Variants in EPHA6 observed in about 807,000 individuals in gnomAD.
EPHA6 encodes EPH receptor A6, also known as ephrin type-A receptor 6.
A neutral mutation model predicts 112.0 loss-of-function variants in EPHA6; 50 were observed. That is an observed-to-expected ratio of 0.45 (90% CI 0.36 to 0.56). EPHA6 has a LOEUF of 0.56. EPHA6 is among the 20% of genes least tolerant of loss of function. The pLI, the probability that EPHA6 is intolerant of heterozygous loss-of-function variation, is 0.00. For missense variants in EPHA6, 1,280 were observed against 1,417.4 expected (o/e 0.90, Z 1.56); for synonymous variants, 529 against 490.7 (o/e 1.08, Z -1.03).
chr3:97,456,247 C>A (rs1272054571), intron 7 of EPHA6, among the ~76,000 whole-genome samples: 1 of 151,942 alleles, frequency 6.6e-6, no homozygotes, highest in East Asian at 1.9e-4. Context: ...TCTTTTGTTT[C>A]TTTTTTTAAA....
At chr3:97,215,712 T>C (rs180949693) in intron 3 of EPHA6, among the ~76,000 whole-genome samples, 7 of 152,176 alleles carry the variant, frequency 4.6e-5, no homozygotes, top group Non-Finnish European at 7.3e-5. Flanking sequence ...TTTTGCCATA[T>C]GTATGACATT....
At chr3:96,927,201 G>A (rs148158315) in intron 2 of EPHA6, among the ~76,000 whole-genome samples, 92 of 152,308 alleles carry the variant, frequency 6.0e-4, no homozygotes, top group African/African-American at 1.9e-3. Flanking sequence ...TTTTAGCCAC[G>A]ACTGGAGCAG....
chr3:96,833,416 T>G (rs1001785253), intron 1 of EPHA6, among the ~76,000 whole-genome samples: 1 of 151,874 alleles, frequency 6.6e-6, no homozygotes, highest in African/African-American at 2.4e-5. Context: ...AGCCTCAGAC[T>G]TCTCACCTTT....
rs899248328 is a variant in EPHA6, at chr3:97,144,747, T to C, written c.1115-81517T>C. On this transcript the variant is annotated intron_variant, in intron 3 of 17. Transcript: ENST00000389672. ...AAATATAAGAGTAACTTTTCTAATA[T>C]ATCTTATACTCTATATTTTAATAAA... Among the ~76,000 whole-genome samples the C allele has an allele frequency of 2.6e-5, 4 of 151,670 alleles. No individual in the cohort carries two copies. In the East Asian group the frequency reaches 5.8e-4, roughly 22 times the overall value.
intron 5 of EPHA6, among the ~76,000 whole-genome samples, chr3:97,270,509 G>A (rs2079842900): frequency 6.6e-6 from 1 of 152,180 alleles, no homozygotes; most frequent in Admixed American, 6.5e-5. Context: ...TTTTATGCTA[G>A]AAGATAATAT....
At chr3:97,379,907 T>C (rs934339197) in intron 5 of EPHA6, among the ~76,000 whole-genome samples, 1 of 151,940 alleles carries the variant, frequency 6.6e-6, no homozygotes, top group Non-Finnish European at 1.5e-5. Flanking sequence ...ATAAAGAATT[T>C]TAAAAGTTGC....
At chr3:97,369,746 C>G (rs911035981) in intron 5 of EPHA6, among the ~76,000 whole-genome samples, 3 of 152,154 alleles carry the variant, frequency 2.0e-5, no homozygotes, top group African/African-American at 7.2e-5. Context: ...CATTTATATA[C>G]TGATAATCAA....
At chr3:97,281,208 TG>T (rs2080274272) in intron 5 of EPHA6, among the ~76,000 whole-genome samples, 1 of 135,882 alleles carries the variant, frequency 7.4e-6, no homozygotes, top group Non-Finnish European at 1.5e-5. Flanking sequence ...TCTATGTGTG[TG>T]TGTGTGTGTG....
chr3:97,164,817 A>G (rs1467444146), intron 3 of EPHA6, among the ~76,000 whole-genome samples: 1 of 152,010 alleles, frequency 6.6e-6, no homozygotes, highest in Non-Finnish European at 1.5e-5. Context: ...TCACTTACTT[A>G]TCTTTATTTC....
chr3:97,365,104 G>A (rs1191125945), intron 5 of EPHA6, among the ~76,000 whole-genome samples: 1 of 152,080 alleles, frequency 6.6e-6, no homozygotes, highest in Non-Finnish European at 1.5e-5. Flanking sequence ...GAAAGATGTA[G>A]ATATATTCAC....
chr3:96,829,949 GCACACA>G (rs67227502), intron 1 of EPHA6, among the ~76,000 whole-genome samples: 4,806 of 136,048 alleles, frequency 0.035, 106 homozygotes, highest in Non-Finnish European at 0.046. Context: ...GCGCGCGCGC[GCACACA>G]CACACACACA....
At chr3:97,558,908 AT>A (rs1187088331) in intron 11 of EPHA6, among the ~76,000 whole-genome samples, 2 of 152,034 alleles carry the variant, frequency 1.3e-5, no homozygotes, top group Non-Finnish European at 2.9e-5. Context: ...ACTTTAAAAC[AT>A]TTGTTTTACA....
chr3:97,223,693 C>T (rs553302139), intron 3 of EPHA6, among the ~76,000 whole-genome samples: 4 of 152,262 alleles, frequency 2.6e-5, no homozygotes, highest in African/African-American at 9.6e-5. Flanking sequence ...TTAAGGAGAT[C>T]ATCAGCTACT....
intron 5 of EPHA6, among the ~76,000 whole-genome samples, chr3:97,404,109 T>A (rs1367297712): frequency 6.6e-6 from 1 of 152,212 alleles, no homozygotes; most frequent in African/African-American, 2.4e-5. Flanking sequence ...TAGAAATAAA[T>A]CTCCAGGAAT....
intron 3 of EPHA6, among the ~76,000 whole-genome samples, chr3:97,182,362 GT>G (rs1427451727): frequency 2.0e-5 from 3 of 149,154 alleles, no homozygotes; most frequent in Non-Finnish European, 4.4e-5. Context: ...TAATAAATAT[GT>G]TTGTTTCATA....
intron 2 of EPHA6, among the ~76,000 whole-genome samples, chr3:96,928,877 CTTCT>C (rs1405637763): frequency 1.3e-5 from 2 of 152,078 alleles, no homozygotes; most frequent in Admixed American, 1.3e-4. Flanking sequence ...ATGTAATACC[CTTCT>C]TTGTCTTTTT....
chr3:97,316,166 A>G (rs566827334), intron 5 of EPHA6, among the ~76,000 whole-genome samples: 2 of 151,980 alleles, frequency 1.3e-5, no homozygotes, highest in East Asian at 1.9e-4. Flanking sequence ...TTCCCTCAAG[A>G]TATGGGAGAA....
chr3:97,352,345 G>A (rs1429607782), intron 5 of EPHA6, among the ~76,000 whole-genome samples: 1 of 152,124 alleles, frequency 6.6e-6, no homozygotes, highest in African/African-American at 2.4e-5. Context: ...AATCAGGTGA[G>A]CGATTACAGT....
At chr3:97,745,269 C>A (rs1057155684) in intron 16 of EPHA6, 4 of 367,868 alleles carry the variant, frequency 1.1e-5, no homozygotes, top group Admixed American at 3.6e-5. Context: ...CTCTAGGAAA[C>A]TTTGAATAAA....
Sources: gnomAD v4.1 joint callset for allele counts (sites outside exome capture counted in the v4.1 genomes callset) on GRCh38, gnomAD v4.1.1 for gene constraint, MANE v1.5 for transcripts, NCBI Gene and HGNC (gene_info 2026-07-23, HGNC 2026-07-21) for gene names.